The following EPHA6 variants were observed in gnomAD, a reference collection of about 807,000 sequenced individuals.
EPHA6 encodes the protein ephrin type-A receptor 6.
EPHA6 carries 50 observed loss-of-function variants against 112.0 expected under a neutral mutation model. The observed-to-expected ratio is 0.45, with a 90% CI of 0.36 to 0.56. The LOEUF (loss-of-function observed/expected upper bound fraction) is 0.56. EPHA6 is among the 20% of genes least tolerant of loss of function. The pLI, the probability that EPHA6 is intolerant of heterozygous loss-of-function variation, is 0.00. For missense variants in EPHA6, 1,280 were observed against 1,417.4 expected (o/e 0.90, Z 1.56); for synonymous variants, 529 against 490.7 (o/e 1.08, Z -1.03).
intron 1 of EPHA6, among the ~76,000 whole-genome samples, chr3:96,852,865 TATAC>T (rs1212793339): frequency 6.6e-6 from 1 of 152,174 alleles, no homozygotes; most frequent in African/African-American, 2.4e-5. Flanking sequence ...ATAGTTGCTT[TATAC>T]ATTTTCTTTG....
chr3:97,626,475 G>A (rs533777814), intron 13 of EPHA6, among the ~76,000 whole-genome samples: 2 of 151,716 alleles, frequency 1.3e-5, no homozygotes, highest in Non-Finnish European at 2.9e-5. Context: ...GAAAAACAAG[G>A]ATGCCAAAAG....
intron 14 of EPHA6, among the ~76,000 whole-genome samples, chr3:97,688,737 A>G (rs1011382071): frequency 3.3e-4 from 50 of 152,044 alleles, no homozygotes; most frequent in African/African-American, 1.2e-3. Flanking sequence ...AAAAAAAAGA[A>G]CTAGAAAAAA....
intron 2 of EPHA6, among the ~76,000 whole-genome samples, chr3:96,935,521 A>C (rs1305353428): frequency 6.7e-6 from 1 of 150,306 alleles, no homozygotes; most frequent in Non-Finnish European, 1.5e-5. Context: ...TCTAGATTTT[A>C]AAAGACCATA....
chr3:97,428,163 A>C (rs2089279199), intron 6 of EPHA6, among the ~76,000 whole-genome samples: 1 of 152,198 alleles, frequency 6.6e-6, no homozygotes, highest in South Asian at 2.1e-4. Flanking sequence ...GTCCCAGAAG[A>C]CTACATATAA....
At chr3:96,865,706 A>AAAAAAAAAAG in intron 1 of EPHA6, among the ~76,000 whole-genome samples, 1 of 151,392 alleles carries the variant, frequency 6.6e-6, no homozygotes, top group Non-Finnish European at 1.5e-5. Context: ...AAAAAAAAAA[A>AAAAAAAAAAG]AAAAAAAAAG....
intron 3 of EPHA6, among the ~76,000 whole-genome samples, chr3:97,152,193 G>T (rs1417826591): frequency 1.3e-5 from 2 of 151,810 alleles, no homozygotes; most frequent in African/African-American, 4.8e-5. Context: ...TTCACTAAGT[G>T]CAATGTCTGA....
At chr3:97,491,553 A>G (rs1244667284) in intron 10 of EPHA6, among the ~76,000 whole-genome samples, 1 of 151,284 alleles carries the variant, frequency 6.6e-6, no homozygotes, top group African/African-American at 2.4e-5. Flanking sequence ...ACCTGTATTC[A>G]GTGTGGGTCA....
chr3:97,161,253 C>T (rs1466464984), intron 3 of EPHA6, among the ~76,000 whole-genome samples: 1 of 152,104 alleles, frequency 6.6e-6, no homozygotes, highest in East Asian at 1.9e-4. Context: ...AGCTGTTTCT[C>T]AAAGGGGACT....
intron 3 of EPHA6, among the ~76,000 whole-genome samples, chr3:97,107,002 A>G (rs2108273297): frequency 6.6e-6 from 1 of 152,292 alleles, no homozygotes; most frequent in Non-Finnish European, 1.5e-5. Flanking sequence ...ACAAGTATAG[A>G]AAATTCACCA....
intron 13 of EPHA6, among the ~76,000 whole-genome samples, chr3:97,630,646 G>A (rs879184412): frequency 1.3e-5 from 2 of 151,886 alleles, no homozygotes; most frequent in African/African-American, 4.8e-5. Context: ...CATTTCTGAA[G>A]TCCCTGGGCA....
At chr3:96,922,812 C>T (rs566859508) in intron 2 of EPHA6, among the ~76,000 whole-genome samples, 1 of 152,254 alleles carries the variant, frequency 6.6e-6, no homozygotes, top group South Asian at 2.1e-4. Context: ...CCACCAAGCC[C>T]TGTCCCACAG....
chr3:97,569,475 C>T (rs1027007722), intron 11 of EPHA6, among the ~76,000 whole-genome samples: 5 of 152,054 alleles, frequency 3.3e-5, no homozygotes, highest in African/African-American at 7.2e-5. Flanking sequence ...TGCTTGGATT[C>T]CTAGCTTAAA....
intron 3 of EPHA6, among the ~76,000 whole-genome samples, chr3:97,186,040 C>T (rs1434443552): frequency 7.5e-6 from 1 of 132,602 alleles, no homozygotes; most frequent in East Asian, 2.3e-4. Flanking sequence ...AGAAGGGGAA[C>T]ATCACACACC....
At chr3:97,290,855 T>A (rs925910442) in intron 5 of EPHA6, among the ~76,000 whole-genome samples, 2 of 152,046 alleles carry the variant, frequency 1.3e-5, no homozygotes, top group African/African-American at 4.8e-5. Flanking sequence ...GTTTTGCTGA[T>A]CCTTTGTATT....
chr3:97,106,362 A>C (rs2047568819), intron 3 of EPHA6, among the ~76,000 whole-genome samples: 1 of 151,790 alleles, frequency 6.6e-6, no homozygotes, highest in African/African-American at 2.4e-5. Context: ...CCCCAATCTC[A>C]ATTCCAGGTT....
chr3:96,860,954 C>T (rs991444545), intron 1 of EPHA6, among the ~76,000 whole-genome samples: 2 of 151,870 alleles, frequency 1.3e-5, no homozygotes, highest in Non-Finnish European at 2.9e-5. Flanking sequence ...TATAGGAAAG[C>T]ACAACTTTTG....
At chr3:97,368,639 G>A (rs557169334) in intron 5 of EPHA6, among the ~76,000 whole-genome samples, 2 of 152,098 alleles carry the variant, frequency 1.3e-5, no homozygotes, top group African/African-American at 2.4e-5. Context: ...CAGAATGAAT[G>A]AATTAATGAA....
At chr3:97,302,490 A>C (rs1291340151) in intron 5 of EPHA6, among the ~76,000 whole-genome samples, 7 of 147,726 alleles carry the variant, frequency 4.7e-5, no homozygotes, top group Non-Finnish European at 9.0e-5. Context: ...TTTTTTTTTT[A>C]ATTTATTATT....
At chr3:97,074,334 A>G (rs914355759) in intron 3 of EPHA6, among the ~76,000 whole-genome samples, 1 of 151,972 alleles carries the variant, frequency 6.6e-6, no homozygotes, top group Non-Finnish European at 1.5e-5. Context: ...TTTTTGATAC[A>G]TATTTTTAAT....
Sources: allele counts gnomAD v4.1 joint callset (sites outside exome capture counted in the v4.1 genomes callset), GRCh38; gene constraint gnomAD v4.1.1; transcripts MANE v1.5; gene names NCBI Gene and HGNC (gene_info 2026-07-23, HGNC 2026-07-21).